Variants in N4BP2L2 observed in about 807,000 individuals in gnomAD.
The protein encoded by N4BP2L2 is NEDD4 binding protein 2 like 2, also known as NEDD4-binding protein 2-like 2.
A neutral mutation model predicts 56.2 loss-of-function variants in N4BP2L2; 50 were observed. The observed-to-expected ratio is 0.89, with a 90% CI of 0.71 to 1.13. N4BP2L2 has a LOEUF of 1.13. Among genes scored for constraint, N4BP2L2 ranks in the 50% most tolerant of loss-of-function variants. N4BP2L2 has a pLI of 0.00. For missense variants in N4BP2L2, 689 were observed against 693.8 expected (o/e 0.99, Z 0.08); for synonymous variants, 203 against 223.6 (o/e 0.91, Z 0.82).
intron 6 of N4BP2L2, among the ~76,000 whole-genome samples, chr13:32,480,250 ACTATT>A (rs890723531): frequency 6.6e-6 from 1 of 152,196 alleles, no homozygotes; most frequent in African/African-American, 2.4e-5. Context: ...CTGTCAACCT[ACTATT>A]CTATATCTAT....
intron 2 of N4BP2L2, among the ~76,000 whole-genome samples, chr13:32,528,675 A>G (rs1443767919): frequency 6.6e-6 from 1 of 152,190 alleles, no homozygotes; most frequent in African/African-American, 2.4e-5. Context: ...AGGCATTTGG[A>G]TATCACTGTA....
chr13:32,435,159 A>G (rs746050634), intron 9 of N4BP2L2, among the ~76,000 whole-genome samples: 1 of 152,182 alleles, frequency 6.6e-6, no homozygotes, highest in Non-Finnish European at 1.5e-5. Flanking sequence ...TCCCTACAAC[A>G]TAAATTCCAT....
At chr13:32,524,508 C>G (rs2052057887) in intron 3 of N4BP2L2, 1 of 152,240 alleles carries the variant, frequency 6.6e-6, no homozygotes, top group African/African-American at 2.4e-5. Flanking sequence ...AATGAACTAT[C>G]ATACTGTTAG....
At position 32,443,036 on chromosome 13, in the gene N4BP2L2, A is replaced by T. The variant is rs1158576284; in HGVS notation, c.1456T>A (p.Leu486Ile). 4 of 1,608,530 alleles carry T rather than the reference A, an allele frequency of 2.5e-6. No individual in the cohort carries two copies. The South Asian group carries it at 4.5e-5, about 18-fold the overall frequency. ...ACACCGATACGACTCTGTCCTAATAAGTCAAAATTTGGTACCAAATTGAAA... is the reference window on the plus strand; with the variant it reads ...ACACCGATACGACTCTGTCCTAATATGTCAAAATTTGGTACCAAATTGAAA... The change falls in exon 7 of 10, where the codon TTA (leucine) becomes ATA (isoleucine). Residue 486 changes from leucine to isoleucine, a missense_variant. By Grantham distance (5) the Leu-to-Ile change is conservative. Transcript: ENST00000357505.
At chr13:32,464,108 TAA>T (rs971627246) in intron 6 of N4BP2L2, among the ~76,000 whole-genome samples, 1 of 152,130 alleles carries the variant, frequency 6.6e-6, no homozygotes, top group African/African-American at 2.4e-5. Flanking sequence ...CCACATGATT[TAA>T]AAGACAACTA....
At chr13:32,495,125 C>G (rs1230610909) in intron 6 of N4BP2L2, among the ~76,000 whole-genome samples, 2 of 152,110 alleles carry the variant, frequency 1.3e-5, no homozygotes, top group Admixed American at 1.3e-4. Flanking sequence ...AACTGCACAG[C>G]TTTCTTATGC....
At chr13:32,494,281 T>TA (rs1036756954) in intron 6 of N4BP2L2, among the ~76,000 whole-genome samples, 1 of 151,850 alleles carries the variant, frequency 6.6e-6, no homozygotes, top group African/African-American at 2.4e-5. Context: ...AGACTCGGTC[T>TA]AAAAAATTAA....
intron 2 of N4BP2L2, among the ~76,000 whole-genome samples, chr13:32,533,148 TTA>T (rs2055449290): frequency 6.6e-6 from 1 of 152,216 alleles, no homozygotes; most frequent in African/African-American, 2.4e-5. Flanking sequence ...ACTGTCCTTG[TTA>T]TAGTTACATA....
chr13:32,449,983 A>G (rs1287168477), intron 6 of N4BP2L2, among the ~76,000 whole-genome samples: 1 of 152,252 alleles, frequency 6.6e-6, no homozygotes, highest in Non-Finnish European at 1.5e-5. Flanking sequence ...AGATTAAAAC[A>G]CCTTTCTCAG....
At chr13:32,534,132 T>G in intron 2 of N4BP2L2, among the ~76,000 whole-genome samples, 1 of 152,216 alleles carries the variant, frequency 6.6e-6, no homozygotes, top group Non-Finnish European at 1.5e-5. Context: ...TTGCACAAGA[T>G]TTTTATATAT....
At chr13:32,468,620 G>C (rs1418987299) in intron 6 of N4BP2L2, among the ~76,000 whole-genome samples, 1 of 152,218 alleles carries the variant, frequency 6.6e-6, no homozygotes, top group East Asian at 1.9e-4. Flanking sequence ...ATGTGCTTTG[G>C]TCAAGGAATA....
At chr13:32,459,681 C>A (rs2079650651) in intron 6 of N4BP2L2, among the ~76,000 whole-genome samples, 1 of 152,070 alleles carries the variant, frequency 6.6e-6, no homozygotes. Flanking sequence ...AACTTTACTG[C>A]TAAATTCTAC....
intron 6 of N4BP2L2, among the ~76,000 whole-genome samples, chr13:32,449,079 A>G (rs1026707962): frequency 6.6e-6 from 1 of 152,206 alleles, no homozygotes; most frequent in African/African-American, 2.4e-5. Flanking sequence ...AGATCAATTG[A>G]TTCTCTCCAT....
At chr13:32,498,335 AATTCACTTC>A (rs2089235858) in intron 6 of N4BP2L2, among the ~76,000 whole-genome samples, 1 of 151,866 alleles carries the variant, frequency 6.6e-6, no homozygotes, top group Non-Finnish European at 1.5e-5. Flanking sequence ...AATTTTTTGT[AATTCACTTC>A]ATTCATTCAC....
chr13:32,465,319 C>CA (rs2081038283), intron 6 of N4BP2L2, among the ~76,000 whole-genome samples: 1 of 152,136 alleles, frequency 6.6e-6, no homozygotes, highest in African/African-American at 2.4e-5. Context: ...AAAGCACAAT[C>CA]ACTGTGGAAA....
At chr13:32,526,328 GAAC>G (rs2052759492) in intron 3 of N4BP2L2, among the ~76,000 whole-genome samples, 1 of 152,050 alleles carries the variant, frequency 6.6e-6, no homozygotes, top group South Asian at 2.1e-4. Context: ...AGATTTTTTC[GAAC>G]AACAGAGGAG....
Position 32,441,789 on chromosome 13 carries a change from A to C in N4BP2L2, c.2104+599T>G, listed in dbSNP as rs371131800. Among the ~76,000 whole-genome samples the C allele has an allele frequency of 1.7e-4, 26 of 150,284 alleles. No individual in the cohort carries two copies. In the East Asian group the frequency reaches 4.6e-3, roughly 27 times the overall value. On this transcript the variant is annotated intron_variant, in intron 7 of 9. Coordinates refer to the N4BP2L2 transcript ENST00000357505. ...CCGGGCGCGGTGGCTCACGCCTGTA[A>C]TCCCAGCACTTTGGGAGGCCGAGGC...
chr13:32,480,473 G>T, intron 6 of N4BP2L2: 1 of 453,866 alleles, frequency 2.2e-6, no homozygotes, highest in Non-Finnish European at 3.7e-6. Flanking sequence ...CTAGTTAGTT[G>T]GACGGCATCA....
At chr13:32,492,227 A>G (rs983222268) in intron 6 of N4BP2L2, among the ~76,000 whole-genome samples, 1 of 147,072 alleles carries the variant, frequency 6.8e-6, no homozygotes, top group African/African-American at 2.5e-5. Flanking sequence ...CTTAGGATTT[A>G]GCACTTTTAA....
Sources: gnomAD v4.1 joint callset for allele counts (sites outside exome capture counted in the v4.1 genomes callset) on GRCh38, gnomAD v4.1.1 for gene constraint, MANE v1.5 for transcripts, NCBI Gene and HGNC (gene_info 2026-07-23, HGNC 2026-07-21) for gene names.